PLCB4: variants seen among roughly 807,000 people sequenced by gnomAD.
PLCB4 encodes 1-phosphatidylinositol 4,5-bisphosphate phosphodiesterase beta-4.
Under a neutral mutation model 178.8 loss-of-function variants are expected in PLCB4, and 77 were observed. That is an observed-to-expected ratio of 0.43 (90% CI 0.36 to 0.52). PLCB4 has a LOEUF of 0.52. Ranked by LOEUF, PLCB4 falls within the 20% of genes least tolerant of loss-of-function variation. The probability of loss-of-function intolerance (pLI) is 0.00; values close to 1 mark genes in which losing one functional copy is unlikely to be tolerated. For missense variants in PLCB4, 1,024 were observed against 1,453.4 expected, an observed-to-expected ratio of 0.70 and a Z score of 4.80; for synonymous variants, 496 against 490.8, an observed-to-expected ratio of 1.01 and a Z score of -0.14.
chr20:9,371,285 C>G lies in PLCB4; in HGVS notation c.575C>G (p.Pro192Arg), dbSNP rs1244478803. The G allele has an allele frequency of 6.3e-7, 1 of 1,589,642 alleles. No individual in the cohort carries two copies. ...IFQALKELGL[P>R]SGKNDEIEPT... The stretch of plus-strand genomic sequence containing the variant: ...CAAGCACTCAAGGAGTTAGGTCTTC[C>G]CAGTGGAAAGGTATGCATTAACTTA... The change falls in exon 10 of 40, where the codon CCC becomes CGC. Residue 192 changes from proline (P) to arginine (R), a missense_variant. Physicochemically the swap from Pro to Arg is moderately radical, Grantham distance 103. Transcript: ENST00000378473.
intron 9 of PLCB4, 54 bp downstream of exon 9, chr20:9,365,568 C>T: frequency 9.6e-7 from 1 of 1,046,940 alleles, no homozygotes; most frequent in Admixed American, 1.8e-5. Context: ...CTTGTCATCC[C>T]AAACCAAAGA....
At position 9,343,413 on chromosome 20, in the gene PLCB4, G is replaced by GT. The variant is rs540444646; in HGVS notation, c.369+4385dup. On this transcript the variant is annotated intron_variant, in intron 7 of 39. Coordinates refer to ENST00000378473, the MANE Select transcript of PLCB4 (RefSeq NM_001377142.1). ...TACTTCTCAAAGAGGGTCTCTGATA[G>GT]TTTTTTTTTCATATTCAAGTGGGTG... Among the ~76,000 whole-genome samples, 83 of 151,320 alleles carry GT rather than the reference G, an allele frequency of 5.5e-4. 1 individual carries two copies. Among genetic ancestry groups the GT allele is most frequent in the South Asian group, 2.3e-3 (11 of 4,768 alleles).
intron 3 of PLCB4, among the ~76,000 whole-genome samples, chr20:9,246,562 C>CT (rs923029813): frequency 2.2e-4 from 33 of 146,758 alleles, no homozygotes; most frequent in South Asian, 6.5e-4. Context: ...TCATATAGCA[C>CT]TTTTTTTTTT....
intron 2 of PLCB4, among the ~76,000 whole-genome samples, chr20:9,114,909 G>T (rs1165103637): frequency 6.6e-6 from 1 of 152,178 alleles, no homozygotes; most frequent in Non-Finnish European, 1.5e-5. Flanking sequence ...CTGTTACCTG[G>T]AGTAGGTGAT....
At chr20:9,285,838 G>A (rs1039070496) in intron 3 of PLCB4, among the ~76,000 whole-genome samples, 3 of 151,990 alleles carry the variant, frequency 2.0e-5, no homozygotes, top group African/African-American at 4.8e-5. Flanking sequence ...GCCAGCATTC[G>A]CTTGCAGGGG....
At chr20:9,418,808 T>A (rs1001374702) in intron 25 of PLCB4, among the ~76,000 whole-genome samples, 1 of 152,208 alleles carries the variant, frequency 6.6e-6, no homozygotes, top group African/African-American at 2.4e-5. Flanking sequence ...AGGCAAGATG[T>A]CTTCCCATTT....
intron 2 of PLCB4, among the ~76,000 whole-genome samples, chr20:9,147,419 G>A (rs2146907363): frequency 6.6e-6 from 1 of 152,208 alleles, no homozygotes; most frequent in Non-Finnish European, 1.5e-5. Context: ...AAACTGCAGT[G>A]GAATAGAATA....
chr20:9,077,632 A>G lies in PLCB4; in HGVS notation c.-135+8426A>G, dbSNP rs75811162. 3.1e-3 allele frequency among the ~76,000 whole-genome samples: 469 copies of G among 152,328 alleles called. 3 individuals carry two copies. The highest frequency in any genetic ancestry group is 0.011 in the African/African-American group (454 of 41,568). ...CTCTTTTAAGAAAGACATATCTTGT[A>G]GAATCAGAGAGTTGAAAATCTATTT... On this transcript the variant is annotated intron_variant, in intron 1 of 39. Coordinates refer to ENST00000378473, the MANE Select transcript of PLCB4 (RefSeq NM_001377142.1).
chr20:9,310,556 A>T (rs1004583917), intron 4 of PLCB4, among the ~76,000 whole-genome samples: 2 of 151,434 alleles, frequency 1.3e-5, no homozygotes, highest in African/African-American at 4.9e-5. Context: ...TAAAAATATA[A>T]AAAAAAATAG....
intron 25 of PLCB4, among the ~76,000 whole-genome samples, chr20:9,416,748 G>A (rs2040276638): frequency 6.6e-6 from 1 of 152,130 alleles, no homozygotes; most frequent in African/African-American, 2.4e-5. Context: ...CATTCTCTTG[G>A]AGACAAGAGT....
At chr20:9,298,655 G>A (rs551920747) in intron 3 of PLCB4, among the ~76,000 whole-genome samples, 2 of 152,146 alleles carry the variant, frequency 1.3e-5, no homozygotes, top group South Asian at 2.1e-4. Flanking sequence ...AAATCTTGAT[G>A]TAATGGAACC....
Position 9,408,618 on chromosome 20 carries a change from G to A in PLCB4, c.1790-15G>A. 2 of 1,364,030 alleles carry A rather than the reference G, an allele frequency of 1.5e-6. No homozygotes were observed. 84.5% of individuals were successfully genotyped at this position (1,364,030 alleles called of 1,614,324 possible). On this transcript the variant is annotated splice_polypyrimidine_tract_variant and intron_variant, in intron 22 of 39. Coordinates refer to ENST00000378473, the MANE Select transcript of PLCB4 (RefSeq NM_001377142.1). ...TGGCAGAGTTCCTGAATCCATCTTTGCTTTTCTTTTACAGAACGCAATATT... is the reference window on the plus strand; with the variant it reads ...TGGCAGAGTTCCTGAATCCATCTTTACTTTTCTTTTACAGAACGCAATATT...
intron 3 of PLCB4, among the ~76,000 whole-genome samples, chr20:9,236,721 G>A (rs1452067870): frequency 6.6e-6 from 1 of 152,162 alleles, no homozygotes; most frequent in African/African-American, 2.4e-5. Flanking sequence ...TCAGACAAGC[G>A]GTAGCATTCT....
intron 35 of PLCB4, among the ~76,000 whole-genome samples, chr20:9,462,566 C>A (rs901762140): frequency 3.3e-5 from 5 of 152,072 alleles, no homozygotes; most frequent in Admixed American, 6.5e-5. Context: ...GTAGAGAAGA[C>A]CTTAAATGAC....
intron 2 of PLCB4, among the ~76,000 whole-genome samples, chr20:9,198,657 G>A (rs2093502979): frequency 6.6e-6 from 1 of 152,132 alleles, no homozygotes; most frequent in African/African-American, 2.4e-5. Flanking sequence ...TAGAGTTATG[G>A]TTTTTATCTT....
chr20:9,299,033 A>G (rs1044855802), intron 3 of PLCB4, among the ~76,000 whole-genome samples: 1 of 152,076 alleles, frequency 6.6e-6, no homozygotes, highest in Non-Finnish European at 1.5e-5. Context: ...GTTTCAGTTA[A>G]CGTTCATTTT....
chr20:9,144,784 G>A (rs1251972234), intron 2 of PLCB4, among the ~76,000 whole-genome samples: 2 of 146,078 alleles, frequency 1.4e-5, no homozygotes, highest in African/African-American at 5.1e-5. Flanking sequence ...AGGGGGAGGA[G>A]GGGTAGGAGG....
At position 9,389,139 on chromosome 20, in the gene PLCB4, G is replaced by A. The variant is rs1176863595; in HGVS notation, c.1159-740G>A. 2.0e-5 allele frequency among the ~76,000 whole-genome samples: 3 copies of A among 152,112 alleles called. No homozygotes were observed. In the East Asian group the frequency reaches 5.8e-4, roughly 29 times the overall value. The stretch of plus-strand genomic sequence containing the variant: ...CTTTCTAAAGCTAAGCAGAGACGGG[G>A]CCAACCATCTCTTAAAGCCTCTCCT... On this transcript the variant is annotated intron_variant, in intron 15 of 39. Transcript: ENST00000378473.
At position 9,390,792 on chromosome 20, in the gene PLCB4, CT is replaced by C. The variant is rs1346684829; in HGVS notation, c.1323+178del. On this transcript the variant is annotated intron_variant, in intron 17 of 39. Transcript: ENST00000378473. Reference sequence around the variant, plus strand: ...ATGTAAAGAGACACAAAATAAACATCTGGTTCAATTTCATTTGGAGGATCTT... The same window carrying C: ...ATGTAAAGAGACACAAAATAAACATCGGTTCAATTTCATTTGGAGGATCTT... 6.6e-5 allele frequency among the ~76,000 whole-genome samples: 10 copies of C among 152,272 alleles called. No homozygotes were observed. In the South Asian group the frequency reaches 1.4e-3, roughly 22 times the overall value.
Sources: gnomAD v4.1 joint callset for allele counts (sites outside exome capture counted in the v4.1 genomes callset) on GRCh38, gnomAD v4.1.1 for gene constraint, MANE v1.5 for transcripts, NCBI Gene and HGNC (gene_info 2026-07-23, HGNC 2026-07-21) for gene names.